Variants in ADGRV1 observed in about 807,000 individuals in gnomAD.
The protein encoded by ADGRV1 is adhesion G protein-coupled receptor V1.
ADGRV1 carries 359 observed loss-of-function variants against 596.2 expected under a neutral mutation model. The ratio of observed to expected loss-of-function variants is 0.60; its 90% CI spans 0.55 to 0.66. ADGRV1 has a LOEUF of 0.66. Among genes scored for constraint, ADGRV1 ranks in the 30% least tolerant of loss-of-function variants. The probability of loss-of-function intolerance (pLI) is 0.00; values close to 1 mark genes in which losing one functional copy is unlikely to be tolerated. For missense variants in ADGRV1, 7,274 were observed against 7,575.6 expected (o/e 0.96, Z 1.48); for synonymous variants, 2,681 against 2,679.2 (o/e 1.00, Z -0.02).
intron 83 of ADGRV1, among the ~76,000 whole-genome samples, chr5:90,890,957 C>T (rs1419240552): frequency 6.6e-6 from 1 of 151,736 alleles, no homozygotes; most frequent in Non-Finnish European, 1.5e-5. Context: ...AATTAATATA[C>T]TTTGTACAAA....
chr5:91,143,262 A>C (rs1159714325), intron 87 of ADGRV1, among the ~76,000 whole-genome samples: 1 of 152,198 alleles, frequency 6.6e-6, no homozygotes, highest in Non-Finnish European at 1.5e-5. Flanking sequence ...CCAAGGAGCC[A>C]CAGCTCTTCT....
chr5:90,854,245 C>G (rs1461489673), intron 81 of ADGRV1, 44 bp downstream of exon 81: 1 of 1,432,522 alleles, frequency 7.0e-7, no homozygotes, highest in Non-Finnish European at 9.3e-7. Flanking sequence ...GGTCCTTCCC[C>G]ATTTCGGTAC....
intron 1 of ADGRV1, among the ~76,000 whole-genome samples, chr5:90,578,533 TTTGC>T (rs1757537530): frequency 7.8e-6 from 1 of 128,902 alleles, no homozygotes; most frequent in African/African-American, 5.0e-5. Flanking sequence ...ACTGAGGATT[TTTGC>T]ATCGATGTTC....
At position 90,642,712 on chromosome 5, in the gene ADGRV1, G is replaced by A. The variant is rs767408599; in HGVS notation, c.2317G>A (p.Gly773Arg). Residue 773 changes from glycine to arginine, a missense_variant, in exon 12 of 90, where the codon GGG becomes AGG. Gly to Arg is a moderately radical substitution (Grantham distance 125). Coordinates refer to ENST00000405460, the MANE Select transcript of ADGRV1 (RefSeq NM_032119.4). ...AATTATTTTGGAAAATGATGACCCT[G>A]GGGGAGTTTTTGAATTTTCTCCTGC... ...DLIILENDDP[G>R]GVFEFSPASR... 3.7e-5 allele frequency: 60 copies of A among 1,613,400 alleles called. No individual in the cohort carries two copies. The Admixed American group carries it at 1.0e-3, about 27-fold the overall frequency.
chr5:90,625,296 C>G, intron 6 of ADGRV1, 53 bp downstream of exon 6: 7 of 1,133,190 alleles, frequency 6.2e-6, no homozygotes, highest in South Asian at 1.3e-5. Flanking sequence ...TTGCAGGACA[C>G]AGTCCTGTAT....
intron 1 of ADGRV1, among the ~76,000 whole-genome samples, chr5:90,595,122 C>T (rs1760128386): frequency 3.0e-5 from 4 of 131,702 alleles, no homozygotes; most frequent in African/African-American, 3.1e-5. Context: ...GGCTGACCCC[C>T]CCACCTCCCT....
intron 59 of ADGRV1, among the ~76,000 whole-genome samples, chr5:90,768,190 AT>A (rs1757340717): frequency 2.0e-5 from 3 of 152,178 alleles, no homozygotes; most frequent in African/African-American, 4.8e-5. Flanking sequence ...AAGTTCATCC[AT>A]TTTTAGAGTA....
chr5:90,839,655 A>C (rs1414772893), intron 77 of ADGRV1, among the ~76,000 whole-genome samples: 2 of 152,220 alleles, frequency 1.3e-5, no homozygotes, highest in Non-Finnish European at 1.5e-5. Flanking sequence ...CAAGATCCTT[A>C]TGTAGCCTAT....
At chr5:90,899,644 C>T (rs1771652306) in intron 83 of ADGRV1, among the ~76,000 whole-genome samples, 1 of 152,166 alleles carries the variant, frequency 6.6e-6, no homozygotes, top group African/African-American at 2.4e-5. Context: ...TCATCCCACC[C>T]TCGTTCTTTG....
At chr5:90,875,422 T>C (rs1018291152) in intron 83 of ADGRV1, among the ~76,000 whole-genome samples, 1 of 152,246 alleles carries the variant, frequency 6.6e-6, no homozygotes, top group African/African-American at 2.4e-5. Context: ...TGGATCCTAA[T>C]TGAATTTGTA....
intron 89 of ADGRV1, among the ~76,000 whole-genome samples, chr5:91,163,185 T>G (rs1453104240): frequency 6.6e-6 from 1 of 152,252 alleles, no homozygotes; most frequent in Non-Finnish European, 1.5e-5. Context: ...TAGTTAACAG[T>G]AACTACTGTG....
intron 83 of ADGRV1, among the ~76,000 whole-genome samples, chr5:90,886,942 A>G (rs1281884018): frequency 6.6e-6 from 1 of 152,116 alleles, no homozygotes; most frequent in African/African-American, 2.4e-5. Flanking sequence ...CAAATGTACC[A>G]CGTCTTATGT....
At chr5:90,646,745 T>C (rs1279989336) in intron 16 of ADGRV1, among the ~76,000 whole-genome samples, 1 of 151,776 alleles carries the variant, frequency 6.6e-6, no homozygotes, top group African/African-American at 2.4e-5. Context: ...CCTTTTGTAT[T>C]TTATTGATTT....
intron 87 of ADGRV1, among the ~76,000 whole-genome samples, chr5:91,126,371 A>ACACTGGAT (rs1275732020): frequency 6.6e-6 from 1 of 152,234 alleles, no homozygotes; most frequent in African/African-American, 2.4e-5. Context: ...CTACCAAAAC[A>ACACTGGAT]ATGTTTACAT....
intron 23 of ADGRV1, 150 bp downstream of exon 23, chr5:90,674,384 T>C: frequency 2.2e-6 from 1 of 447,490 alleles, no homozygotes; most frequent in South Asian, 8.8e-5. Context: ...ATGCTACTGT[T>C]TTGAGAGACA....
At chr5:90,933,776 G>A (rs1384945522) in intron 83 of ADGRV1, among the ~76,000 whole-genome samples, 1 of 152,096 alleles carries the variant, frequency 6.6e-6, no homozygotes, top group Admixed American at 6.5e-5. Flanking sequence ...CCATTTTCTT[G>A]TAGCAGGTGT....
intron 1 of ADGRV1, among the ~76,000 whole-genome samples, chr5:90,584,648 T>C (rs979730528): frequency 6.6e-6 from 1 of 152,214 alleles, no homozygotes. Context: ...TGAGCCACTC[T>C]GTGGGGTGAC....
chr5:90,907,901 A>G (rs1297266174), intron 83 of ADGRV1, among the ~76,000 whole-genome samples: 1 of 152,068 alleles, frequency 6.6e-6, no homozygotes, highest in Non-Finnish European at 1.5e-5. Context: ...CCCAGGCTGG[A>G]GTGCAGTGGT....
intron 1 of ADGRV1, among the ~76,000 whole-genome samples, chr5:90,569,179 T>G (rs1756059167): frequency 6.6e-6 from 1 of 151,576 alleles, no homozygotes; most frequent in South Asian, 2.1e-4. Context: ...CTAATAGCAG[T>G]ATTGTTCCAT....
Sources: allele counts gnomAD v4.1 joint callset (sites outside exome capture counted in the v4.1 genomes callset), GRCh38; gene constraint gnomAD v4.1.1; transcripts MANE v1.5; gene names NCBI Gene and HGNC (gene_info 2026-07-23, HGNC 2026-07-21).